The following NHSL3 variants were observed in gnomAD, a reference collection of about 807,000 sequenced individuals.
NHSL3 encodes the protein NHS-like protein 3.
At chr1:32,765,837 T>C in the NHSL3 span, 1 of 1,544,574 alleles carries the variant, frequency 6.5e-7, no homozygotes, top group Non-Finnish European at 8.7e-7. Flanking sequence ...GGTGAGTGGG[T>C]GTGGCTTGGG....
the NHSL3 span, among the ~76,000 whole-genome samples, chr1:32,744,385 T>C: frequency 0.036 from 5,528 of 152,240 alleles, 343 homozygotes; most frequent in African/African-American, 0.13. Context: ...CATTTATTGA[T>C]TAGTCTGAAT....
the NHSL3 span, chr1:32,767,923 G>A: frequency 1.9e-6 from 3 of 1,613,888 alleles, no homozygotes; most frequent in African/African-American, 4.0e-5. Context: ...TGCACACTCA[G>A]GCCCAGGAGG....
At chr1:32,770,683 C>T in the NHSL3 span, 5 of 1,534,304 alleles carry the variant, frequency 3.3e-6, no homozygotes, top group East Asian at 2.3e-5. This position sits in a 1 kb window ranked among gnomAD's most constrained non-coding sequence, Gnocchi z 8.3. Context: ...ACCCCCTCCC[C>T]GCCGGACCCA....
the NHSL3 span, chr1:32,742,126 C>T: frequency 8.0e-7 from 1 of 1,246,458 alleles, no homozygotes; most frequent in Non-Finnish European, 1.0e-6. Context: ...GGGCGCCGAA[C>T]CGGCCGCCCC....
the NHSL3 span, among the ~76,000 whole-genome samples, chr1:32,749,683 G>C: frequency 1.3e-5 from 2 of 152,148 alleles, no homozygotes; most frequent in African/African-American, 2.4e-5. Context: ...GTGAAGAGCT[G>C]AGAAGGAAGC....
the NHSL3 span, among the ~76,000 whole-genome samples, chr1:32,760,448 C>T: frequency 1.3e-5 from 2 of 152,216 alleles, no homozygotes; most frequent in South Asian, 4.1e-4. Flanking sequence ...TTAGGAAAGC[C>T]CCTGAGTAGG....
At chr1:32,767,610 G>A in the NHSL3 span, among the ~76,000 whole-genome samples, 1 of 152,082 alleles carries the variant, frequency 6.6e-6, no homozygotes, top group Non-Finnish European at 1.5e-5. Context: ...GGCTGTGTGT[G>A]TTGAGTGTTT....
chr1:32,756,086 C>A, the NHSL3 span, among the ~76,000 whole-genome samples: 1 of 152,166 alleles, frequency 6.6e-6, no homozygotes, highest in African/African-American at 2.4e-5. Context: ...CCTGCTGCAA[C>A]TTATGGGTCA....
At chr1:32,770,446 G>T in the NHSL3 span, 2 of 1,606,768 alleles carry the variant, frequency 1.2e-6, no homozygotes, top group East Asian at 4.5e-5. This position sits in a 1 kb window ranked among gnomAD's most constrained non-coding sequence, Gnocchi z 8.3. Context: ...TCAATCCTCC[G>T]ACACCATTGT....
chr1:32,742,105 GC>G, the NHSL3 span: 1 of 1,250,886 alleles, frequency 8.0e-7, no homozygotes, highest in Non-Finnish European at 1.0e-6. Flanking sequence ...GAAGAAGGCG[GC>G]GGGGGCCGAG....
the NHSL3 span, among the ~76,000 whole-genome samples, chr1:32,752,974 T>C: frequency 4.7e-5 from 5 of 105,950 alleles, no homozygotes; most frequent in Middle Eastern, 5.3e-3. Flanking sequence ...TATATTTTGG[T>C]TTTTTTTTTT....
At chr1:32,773,177 C>T in the NHSL3 span, 6 of 517,898 alleles carry the variant, frequency 1.2e-5, no homozygotes, top group Non-Finnish European at 1.4e-5. Flanking sequence ...GGTGGCTGCG[C>T]CCCCTGCTGG....
At chr1:32,742,511 C>G in the NHSL3 span, among the ~76,000 whole-genome samples, 76 of 152,370 alleles carry the variant, frequency 5.0e-4, no homozygotes, top group Admixed American at 2.7e-3. Context: ...AGGTTCTGCC[C>G]TCTGCTGAGT....
chr1:32,747,688 C>T, the NHSL3 span, among the ~76,000 whole-genome samples: 1 of 151,446 alleles, frequency 6.6e-6, no homozygotes, highest in Non-Finnish European at 1.5e-5. Flanking sequence ...GGTGGCTGGG[C>T]GTGGTGGCTC....
At chr1:32,772,228 A>G in the NHSL3 span, 1 of 1,607,860 alleles carries the variant, frequency 6.2e-7, no homozygotes, top group Non-Finnish European at 8.5e-7. Flanking sequence ...GGCCCCAAAG[A>G]AGTCACCTAA....
At chr1:32,771,867 A>G in the NHSL3 span, 3 of 1,596,716 alleles carry the variant, frequency 1.9e-6, no homozygotes, top group African/African-American at 4.0e-5. Flanking sequence ...GTGCTCCAGG[A>G]GGGGCTCCCA....
chr1:32,768,639 T>G, the NHSL3 span: 1 of 1,613,840 alleles, frequency 6.2e-7, no homozygotes, highest in Non-Finnish European at 8.5e-7. Context: ...CAGATCTCCT[T>G]CTACCCTGAT....
the NHSL3 span, chr1:32,753,984 G>A: frequency 5.3e-6 from 2 of 374,882 alleles, no homozygotes; most frequent in Non-Finnish European, 9.8e-6. Context: ...GGGGGCGCCC[G>A]CGGTGCCCGC....
the NHSL3 span, chr1:32,767,718 C>G: frequency 1.2e-5 from 17 of 1,398,440 alleles, no homozygotes; most frequent in African/African-American, 1.9e-4. Flanking sequence ...CTGCCCTTGC[C>G]GTGAGACCTG....
Sources: allele counts gnomAD v4.1 joint callset (sites outside exome capture counted in the v4.1 genomes callset), GRCh38; gene constraint gnomAD v4.1.1; non-coding constraint Gnocchi (gnomAD v3.1); transcripts MANE v1.5; gene names NCBI Gene and HGNC (gene_info 2026-07-23, HGNC 2026-07-21).